RSPO2: variants seen among roughly 807,000 people sequenced by gnomAD.
RSPO2 encodes R-spondin 2, also known as R-spondin-2.
In RSPO2, 14 loss-of-function variants were observed where a neutral mutation model predicts 30.9. The observed-to-expected ratio is 0.45, with a 90% CI of 0.30 to 0.71. RSPO2 has a LOEUF of 0.71. Ranked by LOEUF, RSPO2 falls within the 30% of genes least tolerant of loss-of-function variation. The probability of loss-of-function intolerance (pLI) is 0.08; values close to 1 mark genes in which losing one functional copy is unlikely to be tolerated. For synonymous variants in RSPO2, 107 were observed against 96.4 expected, an observed-to-expected ratio of 1.11 and a Z score of -0.64; for missense variants, 264 against 301.9, an observed-to-expected ratio of 0.87 and a Z score of 0.93.
intron 3 of RSPO2, among the ~76,000 whole-genome samples, chr8:107,970,375 C>A (rs1476073776): frequency 6.6e-6 from 1 of 152,088 alleles, no homozygotes; most frequent in Non-Finnish European, 1.5e-5. Flanking sequence ...AGATAGCAGT[C>A]CAAATTTTGC....
At chr8:107,918,572 T>G (rs754955136) in intron 5 of RSPO2, among the ~76,000 whole-genome samples, 2 of 152,134 alleles carry the variant, frequency 1.3e-5, no homozygotes, top group Non-Finnish European at 2.9e-5. Context: ...GAGCCCCAAG[T>G]GATCTTAGGA....
intron 2 of RSPO2, among the ~76,000 whole-genome samples, chr8:107,992,202 C>CACAT (rs761066938): frequency 8.5e-4 from 129 of 151,876 alleles, no homozygotes; most frequent in African/African-American, 2.7e-3. Context: ...CACACACACA[C>CACAT]ACCATGGAAT....
rs1365204126 is a variant in RSPO2, at chr8:107,902,331, T to C, written c.617-1141A>G. ...CTTGTAATTCTATAAAGCTTAACTT[T>C]TCTCTTCCTGTAAGGTGTAGCTATT... On this transcript the variant is annotated intron_variant, in intron 5 of 5. Coordinates refer to ENST00000276659, the MANE Select transcript of RSPO2 (RefSeq NM_178565.5). Among the ~76,000 whole-genome samples, 43 of 152,170 alleles carry C rather than the reference T, an allele frequency of 2.8e-4. 1 individual carries two copies.
intron 5 of RSPO2, among the ~76,000 whole-genome samples, chr8:107,907,864 C>T (rs889838565): frequency 5.9e-5 from 9 of 152,036 alleles, no homozygotes; most frequent in Non-Finnish European, 1.0e-4. Context: ...TATGAAATGG[C>T]TTCTTTAAGA....
At chr8:107,947,838 AT>A (rs1216225563) in intron 5 of RSPO2, among the ~76,000 whole-genome samples, 1 of 152,014 alleles carries the variant, frequency 6.6e-6, no homozygotes, top group Non-Finnish European at 1.5e-5. Flanking sequence ...TGCAACTTAT[AT>A]TTTTTTCTGT....
intron 5 of RSPO2, among the ~76,000 whole-genome samples, chr8:107,944,566 CA>C (rs561558515): frequency 6.6e-6 from 1 of 151,814 alleles, no homozygotes; most frequent in East Asian, 1.9e-4. Flanking sequence ...TACCATAACA[CA>C]AAAAAAATCT....
At chr8:107,951,953 T>C (rs371224218) in intron 5 of RSPO2, among the ~76,000 whole-genome samples, 1 of 152,196 alleles carries the variant, frequency 6.6e-6, no homozygotes, top group African/African-American at 2.4e-5. Flanking sequence ...CTCCAATATG[T>C]GAAAATTAGT....
intron 5 of RSPO2, among the ~76,000 whole-genome samples, chr8:107,910,246 G>T (rs952084918): frequency 6.6e-6 from 1 of 152,178 alleles, no homozygotes; most frequent in African/African-American, 2.4e-5. Flanking sequence ...AAAACAAAAA[G>T]TAGTAGCCCA....
chr8:107,910,907 T>G (rs550382435), intron 5 of RSPO2, among the ~76,000 whole-genome samples: 130 of 152,206 alleles, frequency 8.5e-4, no homozygotes, highest in African/African-American at 3.0e-3. Context: ...TTAAAAAATT[T>G]TAAAATAGCT....
At chr8:108,071,648 A>G (rs1183026848) in intron 2 of RSPO2, among the ~76,000 whole-genome samples, 6 of 152,198 alleles carry the variant, frequency 3.9e-5, no homozygotes, top group Middle Eastern at 3.2e-3. Flanking sequence ...CAGTTACCCA[A>G]CCTACAGCTA....
Position 107,955,283 on chromosome 8 carries a change from C to T in RSPO2, c.616+2797G>A, listed in dbSNP as rs181916330. Among the ~76,000 whole-genome samples the T allele has an allele frequency of 3.5e-4, 53 of 152,244 alleles. 1 individual carries two copies. The highest frequency in any genetic ancestry group is 3.2e-3 in the Admixed American group (49 of 15,278). On this transcript the variant is annotated intron_variant, in intron 5 of 5. Coordinates refer to ENST00000276659, the MANE Select transcript of RSPO2 (RefSeq NM_178565.5). ...AGGACCTCAGAGATCACCTATCCCC[C>T]CCTAAATCCTCAATTTTACACATGA... is the stretch of plus-strand genomic sequence containing the variant.
intron 5 of RSPO2, among the ~76,000 whole-genome samples, chr8:107,937,299 T>C (rs1812751425): frequency 6.6e-6 from 1 of 152,148 alleles, no homozygotes; most frequent in African/African-American, 2.4e-5. Flanking sequence ...AAATCAGTTA[T>C]CTGTAAGTCT....
chr8:108,063,705 G>A (rs1297070401), intron 2 of RSPO2, among the ~76,000 whole-genome samples: 1 of 151,804 alleles, frequency 6.6e-6, no homozygotes, highest in Non-Finnish European at 1.5e-5. Context: ...GAACCAAAAA[G>A]AGCCCGCATT....
chr8:107,963,844 C>T (rs1213467779), intron 3 of RSPO2, among the ~76,000 whole-genome samples: 2 of 152,114 alleles, frequency 1.3e-5, no homozygotes, highest in Non-Finnish European at 2.9e-5. Flanking sequence ...ATAAAGGCAT[C>T]TATCCAATCT....
chr8:107,992,202 C>CACACACACAT lies in RSPO2; in HGVS notation c.95-2959_95-2958insATGTGTGTGT, dbSNP rs761066938. On this transcript the variant is annotated intron_variant, in intron 2 of 5. Coordinates refer to ENST00000276659, the MANE Select transcript of RSPO2 (RefSeq NM_178565.5). ...ACACACACACACACACACACACACA[C>CACACACACAT]ACCATGGAATACTATACAGCCATAA... Among the ~76,000 whole-genome samples, 217 of 151,878 alleles carry CACACACACAT rather than the reference C, an allele frequency of 1.4e-3. 2 individuals carry two copies. Among genetic ancestry groups the CACACACACAT allele is most frequent in the African/African-American group, 4.7e-3 (193 of 41,356 alleles).
At chr8:108,047,399 A>G (rs1459443784) in intron 2 of RSPO2, among the ~76,000 whole-genome samples, 2 of 152,242 alleles carry the variant, frequency 1.3e-5, no homozygotes, top group Admixed American at 1.3e-4. Context: ...TGTGATAATG[A>G]TGAAGAATTG....
chr8:107,928,145 T>C (rs917839754), intron 5 of RSPO2, among the ~76,000 whole-genome samples: 2 of 152,116 alleles, frequency 1.3e-5, no homozygotes, highest in Non-Finnish European at 2.9e-5. Flanking sequence ...TAACCTTAAG[T>C]GCTAAGGATC....
intron 2 of RSPO2, among the ~76,000 whole-genome samples, chr8:108,006,517 T>C (rs1815455831): frequency 6.6e-6 from 1 of 151,796 alleles, no homozygotes; most frequent in Non-Finnish European, 1.5e-5. Flanking sequence ...AAGCATAGCT[T>C]AAGGAGAAGA....
chr8:108,057,827 G>C (rs1812305467), intron 2 of RSPO2, among the ~76,000 whole-genome samples: 1 of 152,024 alleles, frequency 6.6e-6, no homozygotes, highest in Non-Finnish European at 1.5e-5. Context: ...CATTGATTTT[G>C]TATCCTGAGT....
Sources: allele counts gnomAD v4.1 joint callset (sites outside exome capture counted in the v4.1 genomes callset), GRCh38; gene constraint gnomAD v4.1.1; transcripts MANE v1.5; gene names NCBI Gene and HGNC (gene_info 2026-07-23, HGNC 2026-07-21).